The following DNM3 variants were observed in gnomAD, a reference collection of about 807,000 sequenced individuals.
DNM3 encodes dynamin 3.
DNM3 carries 47 observed loss-of-function variants against 101.6 expected under a neutral mutation model. That is an observed-to-expected ratio of 0.46 (90% CI 0.37 to 0.59). The LOEUF (loss-of-function observed/expected upper bound fraction) is 0.59. Ranked by LOEUF, DNM3 falls within the 20% of genes least tolerant of loss-of-function variation. The pLI, the probability that DNM3 is intolerant of heterozygous loss-of-function variation, is 0.00. For synonymous variants in DNM3, 385 were observed against 387.9 expected (o/e 0.99, Z 0.09); for missense variants, 849 against 1,085.7 (o/e 0.78, Z 3.06).
rs2051411067 is a variant in DNM3, at chr1:172,063,508, C to T, written c.1336-5311C>T. Among the ~76,000 whole-genome samples, 3 of 152,092 alleles carry T rather than the reference C, an allele frequency of 2.0e-5. No homozygotes were observed. In the South Asian group the frequency reaches 6.2e-4, roughly 32 times the overall value. ...ATTAAAACATGTTTTGCTGCTTTCTCTCAGAACATGTATAATTAAAATATT... is the reference window on the plus strand; with the variant it reads ...ATTAAAACATGTTTTGCTGCTTTCTTTCAGAACATGTATAATTAAAATATT... On this transcript the variant is annotated intron_variant, in intron 10 of 20. Transcript: ENST00000627582.
At chr1:172,113,669 T>A (rs1047607056) in intron 13 of DNM3, among the ~76,000 whole-genome samples, 2 of 151,384 alleles carry the variant, frequency 1.3e-5, no homozygotes, top group Non-Finnish European at 2.9e-5. Context: ...CATGTTTTCT[T>A]AACGTAAATT....
chr1:172,333,410 C>T (rs1342368045), intron 17 of DNM3, among the ~76,000 whole-genome samples: 11 of 152,006 alleles, frequency 7.2e-5, no homozygotes, highest in South Asian at 4.2e-4. Context: ...GCATCGAAGC[C>T]GTACACCTGC....
intron 13 of DNM3, chr1:172,093,649 A>G: frequency 6.4e-7 from 1 of 1,561,540 alleles, no homozygotes; most frequent in Non-Finnish European, 8.6e-7. Context: ...ACTTTATTTT[A>G]AAAACTTTTT....
chr1:172,366,193 T>G (rs1334143275), intron 17 of DNM3, among the ~76,000 whole-genome samples: 4 of 151,848 alleles, frequency 2.6e-5, no homozygotes, highest in African/African-American at 4.8e-5. Context: ...ACTACATGAC[T>G]GCAGCCTGGG....
intron 14 of DNM3, among the ~76,000 whole-genome samples, chr1:172,236,218 C>T (rs2061540160): frequency 6.6e-6 from 1 of 152,152 alleles, no homozygotes; most frequent in Non-Finnish European, 1.5e-5. Context: ...GCTCTTGCCC[C>T]TACCTCCAAC....
chr1:171,924,921 T>C (rs1415210339), intron 2 of DNM3, among the ~76,000 whole-genome samples: 5 of 151,758 alleles, frequency 3.3e-5, no homozygotes, highest in African/African-American at 1.2e-4. Flanking sequence ...CTTTTTGAGA[T>C]GGAGTCTCGC....
intron 14 of DNM3, among the ~76,000 whole-genome samples, chr1:172,211,666 TTAA>T (rs1229017769): frequency 1.3e-5 from 2 of 152,112 alleles, no homozygotes; most frequent in Admixed American, 1.3e-4. Flanking sequence ...AATGTCTAGT[TTAA>T]AACAATTTTT....
chr1:172,350,952 T>C (rs1252391736), intron 17 of DNM3, among the ~76,000 whole-genome samples: 1 of 152,224 alleles, frequency 6.6e-6, no homozygotes, highest in Non-Finnish European at 1.5e-5. Flanking sequence ...TCACCTCTTC[T>C]TCCTTTCTAT....
chr1:172,233,714 T>C (rs970491346), intron 14 of DNM3, among the ~76,000 whole-genome samples: 1 of 152,190 alleles, frequency 6.6e-6, no homozygotes, highest in African/African-American at 2.4e-5. Flanking sequence ...GCTTCATCCC[T>C]GGGATGCAAG....
chr1:172,150,953 C>A (rs1436574738), intron 14 of DNM3, among the ~76,000 whole-genome samples: 1 of 152,120 alleles, frequency 6.6e-6, no homozygotes, highest in African/African-American at 2.4e-5. Flanking sequence ...CTTTCTCACC[C>A]TTGAGTTTAT....
At chr1:172,399,947 A>C (rs1558092926) in intron 20 of DNM3, 1 of 151,992 alleles carries the variant, frequency 6.6e-6, no homozygotes, top group Non-Finnish European at 1.5e-5. Context: ...AGGAAAAGGA[A>C]AGGTTATTTT....
At chr1:171,969,540 A>ACTCCTAGT (rs2043835834) in intron 2 of DNM3, among the ~76,000 whole-genome samples, 2 of 151,966 alleles carry the variant, frequency 1.3e-5, no homozygotes, top group Non-Finnish European at 2.9e-5. Flanking sequence ...CATGGTGATG[A>ACTCCTAGT]CTCCTAGTCT....
chr1:172,008,839 AT>A (rs2046881250), intron 4 of DNM3, among the ~76,000 whole-genome samples: 1 of 138,794 alleles, frequency 7.2e-6, no homozygotes, highest in East Asian at 2.0e-4. Context: ...TATAATATAT[AT>A]TAATATATTA....
intron 14 of DNM3, among the ~76,000 whole-genome samples, chr1:172,166,633 T>C (rs1361249062): frequency 1.1e-4 from 17 of 152,082 alleles, no homozygotes; most frequent in Admixed American, 1.1e-3. Flanking sequence ...GCAAGGTGCC[T>C]AGAACATAGT....
At chr1:171,963,860 C>A (rs916124792) in intron 2 of DNM3, among the ~76,000 whole-genome samples, 12 of 151,756 alleles carry the variant, frequency 7.9e-5, no homozygotes, top group African/African-American at 2.9e-4. Context: ...AAATTCCAAG[C>A]CCCCCATCCA....
At chr1:172,228,116 G>C (rs1307955761) in intron 14 of DNM3, among the ~76,000 whole-genome samples, 1 of 151,416 alleles carries the variant, frequency 6.6e-6, no homozygotes, top group African/African-American at 2.4e-5. Context: ...TTTATCATCT[G>C]TTTTTCAATT....
At chr1:172,347,162 G>A (rs187395140) in intron 17 of DNM3, among the ~76,000 whole-genome samples, 1 of 151,364 alleles carries the variant, frequency 6.6e-6, no homozygotes, top group South Asian at 2.1e-4. Flanking sequence ...AATTTTCCTG[G>A]GTTAGTACCA....
chr1:171,895,140 T>C (rs2037666368), intron 1 of DNM3, among the ~76,000 whole-genome samples: 1 of 152,214 alleles, frequency 6.6e-6, no homozygotes, highest in South Asian at 2.1e-4. Context: ...TATAATCCTT[T>C]GGGTATATAC....
At chr1:171,881,460 G>A (rs2036261024) in intron 1 of DNM3, among the ~76,000 whole-genome samples, 1 of 152,138 alleles carries the variant, frequency 6.6e-6, no homozygotes, top group Admixed American at 6.6e-5. Context: ...TTAGGCCTAA[G>A]CAGAGGGCCT....
Sources: allele counts gnomAD v4.1 joint callset (sites outside exome capture counted in the v4.1 genomes callset), GRCh38; gene constraint gnomAD v4.1.1; transcripts MANE v1.5; gene names NCBI Gene and HGNC (gene_info 2026-07-23, HGNC 2026-07-21).